The following TTC14 variants were observed in gnomAD, a reference collection of about 807,000 sequenced individuals.
TTC14 encodes tetratricopeptide repeat protein 14.
A neutral mutation model predicts 79.9 loss-of-function variants in TTC14; 63 were observed. The observed-to-expected ratio is 0.79, with a 90% CI of 0.64 to 0.97. The LOEUF (loss-of-function observed/expected upper bound fraction) is 0.97, where lower values mean the gene tolerates loss of function less well. Ranked by LOEUF, TTC14 falls within the 50% of genes least tolerant of loss-of-function variation. The pLI, the probability that TTC14 is intolerant of heterozygous loss-of-function variation, is 0.00. For missense variants in TTC14, 895 were observed against 894.0 expected, an observed-to-expected ratio of 1.00 and a Z score of -0.01; for synonymous variants, 335 against 309.6, an observed-to-expected ratio of 1.08 and a Z score of -0.86.
rs1717297588 is a variant in TTC14, at chr3:180,617,610, AAAATT to A, written c.*47_*51del. 7.3e-6 allele frequency: 3 copies of A among 410,884 alleles called. No homozygotes were observed. The Admixed American group carries it at 1.3e-4, about 18-fold the overall frequency. 25.5% of individuals were successfully genotyped at this position (410,884 alleles called of 1,614,324 possible). On this transcript the variant is annotated 3_prime_UTR_variant, in exon 13 of 13. Transcript: ENST00000382584. ...TGTATGTGTCTTAGTTTTTAACAAA[AAAATT>A]AAAAAGTAAAAAAACTAAAAATAGA...
chr3:180,612,640 T>C (rs781524853), downstream of TTC14, among the ~76,000 whole-genome samples: 1 of 151,840 alleles, frequency 6.6e-6, no homozygotes, highest in Non-Finnish European at 1.5e-5. Context: ...GTCCCAGCTA[T>C]GCGGGAGGAT....
intron 1 of TTC14, 124 bp from the exon 2 acceptor site, chr3:180,602,767 T>A: frequency 1.7e-6 from 2 of 1,188,470 alleles, no homozygotes; most frequent in Non-Finnish European, 2.3e-6. Context: ...ACTTTTTGTC[T>A]GAGGTTGTAT....
In TTC14 at chr3:180,606,487, G is replaced by T; in HGVS notation, c.1056G>T (p.Ala352=). The T allele has an allele frequency of 6.2e-7, 1 of 1,613,720 alleles. No individual in the cohort carries two copies. Among genetic ancestry groups the T allele is most frequent in the South Asian group, 1.1e-5 (1 of 90,976 alleles). Residue 352 remains alanine (A), a synonymous_variant, in exon 9 of 12, where the codon GCG becomes GCT. Coordinates refer to ENST00000296015, the MANE Select transcript of TTC14 (RefSeq NM_133462.4). ...EALVARGALY[A]TKGSLNKAIE... ...CTTTGTTTCATGTCTCTAGATATGCGACAAAAGGAAGTTTGAACAAAGCAA... is the reference window on the plus strand; with the variant it reads ...CTTTGTTTCATGTCTCTAGATATGCTACAAAAGGAAGTTTGAACAAAGCAA...
At chr3:180,613,945 A>G (rs922370838), downstream of TTC14, 4 of 428,612 alleles carry the variant, frequency 9.3e-6, no homozygotes, top group African/African-American at 8.3e-5. Flanking sequence ...CAACAGTTCT[A>G]AAATAATGAC....
At chr3:180,602,716 C>A (rs748067383) in intron 1 of TTC14, 175 bp from the exon 2 acceptor site, 25 of 796,130 alleles carry the variant, frequency 3.1e-5, no homozygotes, top group Non-Finnish European at 4.2e-5. Context: ...TTTCCCCGCT[C>A]TCCACCTCCA....
rs752850686 is a variant in TTC14, at chr3:180,616,310, T to C, written c.1775-1070T>C. ...CTGATAGTGAAGTATGTGAAGGAGA[T>C]CTAGAGCTCTGACGACTGCCTTTTG... On this transcript the variant is annotated intron_variant, in intron 12 of 12. Coordinates refer to the TTC14 transcript ENST00000382584. 4 of 1,613,412 alleles carry C rather than the reference T, an allele frequency of 2.5e-6. No individual in the cohort carries two copies. The South Asian group carries it at 4.4e-5, about 18-fold the overall frequency.
intron 1 of TTC14, 78 bp from the exon 2 acceptor site, chr3:180,602,813 A>AT: frequency 1.3e-6 from 2 of 1,483,794 alleles, no homozygotes; most frequent in Non-Finnish European, 1.8e-6. Flanking sequence ...ATGGGCGATG[A>AT]AAGCCATAAG....
exon 13 of TTC14, chr3:180,617,574 GT>G: frequency 1.9e-6 from 1 of 539,140 alleles, no homozygotes. Flanking sequence ...GTAGGCTTAG[GT>G]TTATGTGTGT....
At position 180,606,479 on chromosome 3, in the gene TTC14, A is replaced by G. The variant is rs1716696367; in HGVS notation, c.1050-2A>G. 2 of 1,613,862 alleles carry G rather than the reference A, an allele frequency of 1.2e-6. No homozygotes were observed. Among genetic ancestry groups the G allele is most frequent in the Non-Finnish European group, 1.7e-6 (2 of 1,179,904 alleles). ...CCCTCTATCTTTGTTTCATGTCTCT[A>G]GATATGCGACAAAAGGAAGTTTGAA... On this transcript the variant is annotated splice_acceptor_variant, in intron 8 of 11. Coordinates refer to ENST00000296015, the MANE Select transcript of TTC14 (RefSeq NM_133462.4). LOFTEE classifies it high-confidence loss of function.
intron 6 of TTC14, 144 bp from the exon 7 acceptor site, chr3:180,605,622 C>A (rs1486703046): frequency 1.6e-6 from 1 of 611,588 alleles, no homozygotes; most frequent in Non-Finnish European, 2.7e-6. Context: ...TTCGAAAGTT[C>A]AAAGATTTTG....
downstream of TTC14, chr3:180,613,950 A>G: frequency 2.4e-6 from 1 of 425,244 alleles, no homozygotes; most frequent in Non-Finnish European, 4.6e-6. Context: ...GTTCTAAAAT[A>G]ATGACAGTTG....
At chr3:180,615,247 CAGGAA>C (rs1320931875), downstream of TTC14, among the ~76,000 whole-genome samples, 4 of 151,876 alleles carry the variant, frequency 2.6e-5, no homozygotes, top group Non-Finnish European at 5.9e-5. Context: ...ACAATTTAAA[CAGGAA>C]AGGAAAGATG....
chr3:180,606,172 G>C, intron 7 of TTC14, 81 bp from the exon 8 acceptor site: 2 of 1,569,508 alleles, frequency 1.3e-6, no homozygotes, highest in Non-Finnish European at 8.6e-7. Flanking sequence ...GATGACATTT[G>C]CTTTTAAAAC....
At chr3:180,614,278 G>A (rs190149639), downstream of TTC14, 296 of 151,812 alleles carry the variant, frequency 1.9e-3, 1 homozygote, top group Non-Finnish European at 5.0e-4. Context: ...TTTATTTCAA[G>A]GTCAGAAGTG....
chr3:180,611,663 A>AGAT (rs1491440463), downstream of TTC14, among the ~76,000 whole-genome samples: 3 of 152,192 alleles, frequency 2.0e-5, no homozygotes, highest in East Asian at 3.8e-4. Flanking sequence ...TTTGGGAGAC[A>AGAT]GATAGAGATA....
chr3:180,612,708 A>G (rs1268421604), downstream of TTC14, among the ~76,000 whole-genome samples: 1 of 152,192 alleles, frequency 6.6e-6, no homozygotes, highest in Non-Finnish European at 1.5e-5. Context: ...CTGCACTCCA[A>G]CTTGGGTGAC....
downstream of TTC14, among the ~76,000 whole-genome samples, chr3:180,612,783 G>C (rs1473637713): frequency 6.6e-6 from 1 of 152,172 alleles, no homozygotes; most frequent in East Asian, 1.9e-4. Flanking sequence ...CGAAGTTCTT[G>C]CACAGCAAAA....
chr3:180,610,666 C>CAA lies in TTC14; in HGVS notation c.*126_*127dup. 1 of 1,437,624 alleles carries CAA rather than the reference C, an allele frequency of 7.0e-7. No homozygotes were observed. The highest frequency in any genetic ancestry group is 1.6e-5 in the South Asian group (1 of 63,686). The allele number at this position is 1,437,624 out of a possible 1,614,324, so 89.1% of individuals were successfully genotyped here. On this transcript the variant is annotated 3_prime_UTR_variant, in exon 12 of 12. Coordinates refer to ENST00000296015, the MANE Select transcript of TTC14 (RefSeq NM_133462.4). ...AATTATTTGTAGAGATTACAGGAAA[C>CAA]AAATGCTTTTAAGTAAGTTTTTCTC... is the stretch of plus-strand genomic sequence containing the variant.
rs762474689 is a variant in TTC14 at position 180,602,369 on chromosome 3, G to A, written c.108G>A (p.Gly36=). Residue 36 remains glycine (G), a synonymous_variant, in exon 1 of 12, where the codon GGG becomes GGA. Coordinates refer to ENST00000296015, the MANE Select transcript of TTC14 (RefSeq NM_133462.4). ...ATCCACACTTCCGTAGCCTCCTGGG[G>A]TCGGCCGCCGAGCCAGCCCGGGGCC... The part of the protein sequence containing the change: ...QDNPHFRSLL[G]SAAEPARGPP... 461 of 1,611,246 alleles carry A rather than the reference G, an allele frequency of 2.9e-4. 1 individual carries two copies. The highest frequency in any genetic ancestry group is 9.9e-5 in the Non-Finnish European group (117 of 1,179,558).
Sources: allele counts gnomAD v4.1 joint callset (sites outside exome capture counted in the v4.1 genomes callset), GRCh38; gene constraint gnomAD v4.1.1; transcripts MANE v1.5; gene names NCBI Gene and HGNC (gene_info 2026-07-23, HGNC 2026-07-21).